The following PARP14 variants were observed in gnomAD, a reference collection of about 807,000 sequenced individuals.
PARP14 encodes protein mono-ADP-ribosyltransferase PARP14.
Under a neutral mutation model 154.2 loss-of-function variants are expected in PARP14, and 59 were observed. The ratio of observed to expected loss-of-function variants is 0.38; its 90% CI spans 0.31 to 0.48. PARP14 has a LOEUF of 0.48. Among genes scored for constraint, PARP14 ranks in the 20% least tolerant of loss-of-function variants. The probability of loss-of-function intolerance (pLI) is 0.98; values close to 1 mark genes in which losing one functional copy is unlikely to be tolerated. For missense variants in PARP14, 1,734 were observed against 2,131.6 expected (o/e 0.81, Z 3.67); for synonymous variants, 720 against 780.5 (o/e 0.92, Z 1.29).
chr3:122,696,336 T>G (rs1321328241), intron 5 of PARP14, among the ~76,000 whole-genome samples: 1 of 152,190 alleles, frequency 6.6e-6, no homozygotes, highest in Non-Finnish European at 1.5e-5. Context: ...AAACTGTGCC[T>G]GGGATTAATC....
Position 122,699,775 on chromosome 3 carries a change from A to T in PARP14, c.1221A>T (p.Pro407=). The T allele has an allele frequency of 6.2e-7, 1 of 1,614,038 alleles. No homozygotes were observed. The highest frequency in any genetic ancestry group is 1.7e-5 in the Admixed American group (1 of 60,030). ...KYKVNPIKVD[P]TMWDTIKNDV... is the part of the protein sequence containing the mutation. ...AAGTCAACCCAATTAAAGTGGATCC[A>T]ACAATGTGGGACACCATAAAAAATG... The change falls in exon 6 of 17, where the codon CCA becomes CCT. Residue 407 remains proline (P), a synonymous_variant. Coordinates refer to ENST00000474629, the MANE Select transcript of PARP14 (RefSeq NM_017554.3).
Position 122,718,682 on chromosome 3 carries a change from A to G in PARP14, c.4531A>G (p.Ile1511Val), listed in dbSNP as rs1324260892. The G allele has an allele frequency of 6.2e-7, 1 of 1,613,938 alleles. No individual in the cohort carries two copies. The highest frequency in any genetic ancestry group is 1.1e-5 in the South Asian group (1 of 91,060). Residue 1511 changes from isoleucine to valine, a missense_variant, in exon 14 of 17, where the codon ATT (isoleucine) becomes GTT (valine). Physicochemically the swap from Ile to Val is conservative, Grantham distance 29 (BLOSUM62 3). Transcript: ENST00000474629. ...AGATGTGATGCAGGCTAGAGATGAA[A>G]TTGAGGCGATGATCAAGAGAGTTCG... Reference protein sequence around the residue: ...SRDVMQARDEIEAMIKRVRLA... With the variant: ...SRDVMQARDEVEAMIKRVRLA...
intron 1 of PARP14, among the ~76,000 whole-genome samples, chr3:122,682,726 AC>A (rs1339471282): frequency 3.3e-5 from 5 of 151,320 alleles, no homozygotes; most frequent in Admixed American, 6.6e-5. Context: ...CTCTTGTCTT[AC>A]CCCCCAGCAC....
At position 122,729,086 on chromosome 3, in the gene PARP14, A is replaced by G. The variant is rs948813986; in HGVS notation, c.*489A>G. The G allele has an allele frequency of 6.4e-6, 1 of 155,268 alleles. No individual in the cohort carries two copies. Among genetic ancestry groups the G allele is most frequent in the Admixed American group, 6.3e-5 (1 of 15,902 alleles). 9.6% of individuals were successfully genotyped at this position (155,268 alleles called of 1,614,324 possible). A position where few individuals can be genotyped will look rare whatever the true frequency, so the allele number is the denominator to read the frequency against. On this transcript the variant is annotated 3_prime_UTR_variant, in exon 17 of 17. Transcript: ENST00000474629. ...TTGAGATGAGGTCTGTGCCTGATGT[A>G]CAACGGATACTCCATAAATGTTTGA...
In PARP14 at chr3:122,718,939, G is replaced by T. The variant is rs1204058470; in HGVS notation, c.4788G>T (p.Gln1596His). ...TDTKGHSLSV[Q>H]RLTKSKVDIP... The stretch of plus-strand genomic sequence containing the variant: ...CAAAGGGCCACAGTTTATCTGTTCA[G>T]CGCCTCACGAAATCCAAAGGTGAGT... The change falls in exon 14 of 17, where the codon CAG becomes CAT. Residue 1596 changes from glutamine (Q) to histidine (H), a missense_variant. Transcript: ENST00000474629. 1 of 1,584,338 alleles carries T rather than the reference G, an allele frequency of 6.3e-7. No individual in the cohort carries two copies. Among genetic ancestry groups the T allele is most frequent in the South Asian group, 1.2e-5 (1 of 86,420 alleles).
intron 15 of PARP14, among the ~76,000 whole-genome samples, chr3:122,722,970 C>G (rs1056320134): frequency 6.7e-6 from 1 of 150,026 alleles, no homozygotes; most frequent in African/African-American, 2.5e-5. Flanking sequence ...GAGTCTTGCT[C>G]TTTCACCCAG....
At chr3:122,703,018 A>C (rs907144158) in intron 6 of PARP14, among the ~76,000 whole-genome samples, 8 of 98,172 alleles carry the variant, frequency 8.1e-5, no homozygotes, top group South Asian at 5.2e-4. Context: ...AAACAAAAAA[A>C]AAAAACAAAA....
chr3:122,717,222 C>A (rs1456812751), intron 12 of PARP14, among the ~76,000 whole-genome samples: 2 of 152,210 alleles, frequency 1.3e-5, no homozygotes, highest in Non-Finnish European at 2.9e-5. Flanking sequence ...AACAATTAGC[C>A]AGGTGGGCTC....
At chr3:122,698,344 C>G (rs1938845518) in intron 5 of PARP14, among the ~76,000 whole-genome samples, 1 of 152,198 alleles carries the variant, frequency 6.6e-6, no homozygotes, top group African/African-American at 2.4e-5. Context: ...TGCAGATGCT[C>G]TGCTTAATAA....
At chr3:122,711,260 C>T (rs115025341) in intron 9 of PARP14, among the ~76,000 whole-genome samples, 3,794 of 152,178 alleles carry the variant, frequency 0.025, 61 homozygotes, top group Middle Eastern at 0.058. Flanking sequence ...AGATATGTCC[C>T]CTCTATGCCT....
intron 8 of PARP14, among the ~76,000 whole-genome samples, chr3:122,707,380 C>CAAATAAATAAATAAATAAATAAAT (rs60420136): frequency 9.3e-5 from 13 of 139,680 alleles, no homozygotes; most frequent in African/African-American, 1.3e-4. Context: ...GACTCCATCT[C>CAAATAAATAAATAAATAAATAAAT]AAATAAATAA....
chr3:122,719,145 C>T (rs995963751), intron 14 of PARP14, among the ~76,000 whole-genome samples, 187 bp downstream of exon 14: 1 of 152,140 alleles, frequency 6.6e-6, no homozygotes, highest in East Asian at 1.9e-4. Context: ...AATGGATGTA[C>T]CCAAAAGCCT....
Position 122,727,949 on chromosome 3 carries a change from TC to T in PARP14, c.5080del (p.Arg1694GlufsTer62). ...ATGCCGGCTCCGTGCCACACGTCAA[TC>T]GAAATGGCTTTAACCGCAGCTATGC... ...TDAGSVPHVN[R>X]NGFNRSYAGK... is the part of the protein sequence containing the mutation. On this transcript the variant is annotated frameshift_variant, in exon 16 of 17. Coordinates refer to ENST00000474629, the MANE Select transcript of PARP14 (RefSeq NM_017554.3). LOFTEE classifies it low-confidence loss of function (END_TRUNC). The T allele has an allele frequency of 1.2e-6, 2 of 1,613,090 alleles. No individual in the cohort carries two copies. Among genetic ancestry groups the T allele is most frequent in the Non-Finnish European group, 1.7e-6 (2 of 1,179,578 alleles).
Position 122,729,434 on chromosome 3 carries a change from C to CTT in PARP14, c.*853_*854dup, listed in dbSNP as rs35035581. On this transcript the variant is annotated 3_prime_UTR_variant, in exon 17 of 17. Transcript: ENST00000474629. ...TTTTTAATGCTGAACCAAAATGTGC[C>CTT]TTTTTTTTTTTTTTTTTGAGATGGA... 1.0e-3 allele frequency: 137 copies of CTT among 133,864 alleles called. 1 individual carries two copies. The highest frequency in any genetic ancestry group is 1.3e-3 in the African/African-American group (44 of 35,190). The allele number at this position is 133,864 out of a possible 1,614,324, so 8.3% of individuals were successfully genotyped here.
At chr3:122,713,976 T>C in intron 11 of PARP14, 42 bp downstream of exon 11, 3 of 1,391,804 alleles carry the variant, frequency 2.2e-6, no homozygotes, top group Non-Finnish European at 3.1e-6. Context: ...TGTAATTGTA[T>C]GGGAGGCTGT....
intron 15 of PARP14, chr3:122,721,848 A>T (rs1933172931): frequency 6.6e-6 from 1 of 152,224 alleles, no homozygotes; most frequent in South Asian, 2.1e-4. Context: ...ATTTAAAAAG[A>T]TTCAAAGTGC....
chr3:122,709,600 T>C (rs901861834), intron 9 of PARP14, among the ~76,000 whole-genome samples: 2 of 152,214 alleles, frequency 1.3e-5, no homozygotes, highest in Non-Finnish European at 2.9e-5. Flanking sequence ...TACTTTTAGT[T>C]CTTTCAGGAA....
At chr3:122,688,085 AT>A (rs34597099) in intron 3 of PARP14, among the ~76,000 whole-genome samples, 73 of 147,850 alleles carry the variant, frequency 4.9e-4, no homozygotes, top group African/African-American at 8.9e-4. Flanking sequence ...ATGAAATAGG[AT>A]TTTTTTTTTT....
At chr3:122,714,640 C>G (rs1481942157) in intron 12 of PARP14, among the ~76,000 whole-genome samples, 2 of 151,958 alleles carry the variant, frequency 1.3e-5, no homozygotes, top group Non-Finnish European at 2.9e-5. Flanking sequence ...ATGCAGGAGA[C>G]TGAAGAGAGT....
Sources: gnomAD v4.1 joint callset for allele counts (sites outside exome capture counted in the v4.1 genomes callset) on GRCh38, gnomAD v4.1.1 for gene constraint, MANE v1.5 for transcripts, NCBI Gene and HGNC (gene_info 2026-07-23, HGNC 2026-07-21) for gene names.